The following CRISP1 variants were observed in gnomAD, a reference collection of about 807,000 sequenced individuals.
CRISP1 encodes the protein cysteine-rich secretory protein 1.
CRISP1 carries 44 observed loss-of-function variants against 33.1 expected under a neutral mutation model. That is an observed-to-expected ratio of 1.33 (90% CI 1.05 to 1.71). The LOEUF is 1.71. CRISP1 is among the 40% of genes most tolerant of loss of function. The pLI, the probability that CRISP1 is intolerant of heterozygous loss-of-function variation, is 0.00. For synonymous variants in CRISP1, 103 were observed against 98.7 expected (o/e 1.04, Z -0.26); for missense variants, 390 against 301.2 (o/e 1.29, Z -2.18).
At chr6:49,855,527 C>T (rs1771470847) in intron 2 of CRISP1, among the ~76,000 whole-genome samples, 1 of 151,792 alleles carries the variant, frequency 6.6e-6, no homozygotes, top group Admixed American at 6.6e-5. Flanking sequence ...GATAGTACAC[C>T]TTGTTAACTT....
intron 6 of CRISP1, among the ~76,000 whole-genome samples, chr6:49,839,013 T>C (rs1052686026): frequency 2.0e-5 from 3 of 152,156 alleles, no homozygotes; most frequent in Non-Finnish European, 2.9e-5. Flanking sequence ...TTTTACATGT[T>C]AATGTCTTTT....
At chr6:49,852,806 A>G (rs867511678) in intron 2 of CRISP1, among the ~76,000 whole-genome samples, 4 of 151,864 alleles carry the variant, frequency 2.6e-5, no homozygotes, top group Admixed American at 2.6e-4. Flanking sequence ...ATACATGACC[A>G]AAGTATTTAG....
chr6:49,865,986 C>G (rs1430608708), intron 1 of CRISP1, among the ~76,000 whole-genome samples: 1 of 152,116 alleles, frequency 6.6e-6, no homozygotes, highest in Non-Finnish European at 1.5e-5. Flanking sequence ...AAATGTCTAG[C>G]AACTCCCGAA....
At chr6:49,853,747 T>C (rs1771418037) in intron 2 of CRISP1, among the ~76,000 whole-genome samples, 1 of 152,174 alleles carries the variant, frequency 6.6e-6, no homozygotes, top group Admixed American at 6.5e-5. Context: ...CTGTGTTCTC[T>C]ACTTTCACAA....
chr6:49,867,294 A>C (rs1441366004), upstream of CRISP1, among the ~76,000 whole-genome samples: 1 of 152,050 alleles, frequency 6.6e-6, no homozygotes, highest in Non-Finnish European at 1.5e-5. Flanking sequence ...GATGTTTTTG[A>C]ATTGTCTTAT....
chr6:49,861,214 G>A (rs905350769), intron 1 of CRISP1, among the ~76,000 whole-genome samples: 1 of 152,050 alleles, frequency 6.6e-6, no homozygotes, highest in African/African-American at 2.4e-5. Context: ...AAAAATTCAA[G>A]GAAAGTAAAG....
chr6:49,835,635 A>T (rs1770764117), intron 7 of CRISP1, among the ~76,000 whole-genome samples, 192 bp from the exon 8 acceptor site: 1 of 152,182 alleles, frequency 6.6e-6, no homozygotes, highest in African/African-American at 2.4e-5. Flanking sequence ...AAAAGGTAAA[A>T]TTTTTGTCTT....
intron 1 of CRISP1, among the ~76,000 whole-genome samples, chr6:49,863,650 TGAGAG>T (rs1181326986): frequency 6.6e-6 from 1 of 152,212 alleles, no homozygotes; most frequent in Non-Finnish European, 1.5e-5. Flanking sequence ...TAATATTTTG[TGAGAG>T]GAAAGATCAA....
chr6:49,845,318 G>A (rs1771127509), intron 5 of CRISP1, among the ~76,000 whole-genome samples: 1 of 152,142 alleles, frequency 6.6e-6, no homozygotes, highest in African/African-American at 2.4e-5. Flanking sequence ...GAGAAGCCAT[G>A]TTAGGACATT....
At chr6:49,870,646 C>A (rs1056128868), upstream of CRISP1, among the ~76,000 whole-genome samples, 3 of 152,106 alleles carry the variant, frequency 2.0e-5, no homozygotes, top group Non-Finnish European at 4.4e-5. Flanking sequence ...TAATTTCTAA[C>A]CTTCAGTTTC....
chr6:49,841,847 A>G (rs1771001024), intron 5 of CRISP1, among the ~76,000 whole-genome samples: 1 of 152,176 alleles, frequency 6.6e-6, no homozygotes. Flanking sequence ...TCAGCTGTAA[A>G]ATGGGATACA....
chr6:49,859,048 C>A (rs1324097761), intron 1 of CRISP1, among the ~76,000 whole-genome samples: 1 of 151,986 alleles, frequency 6.6e-6, no homozygotes, highest in Non-Finnish European at 1.5e-5. Flanking sequence ...AGTGAGTGAC[C>A]CCCACTGATG....
chr6:49,837,825 G>T (rs1770850751), intron 7 of CRISP1, among the ~76,000 whole-genome samples: 1 of 151,524 alleles, frequency 6.6e-6, no homozygotes, highest in Non-Finnish European at 1.5e-5. Flanking sequence ...AGTGAAATTT[G>T]GCTATCTAAG....
intron 3 of CRISP1, among the ~76,000 whole-genome samples, chr6:49,851,689 A>G (rs1307747302): frequency 6.6e-6 from 1 of 152,158 alleles, no homozygotes; most frequent in Non-Finnish European, 1.5e-5. Context: ...GAATCAGGAT[A>G]TCAGAGAGTG....
rs1264217929 is a variant in CRISP1, at chr6:49,864,886, CA to C, written c.-3+1542del. Among the ~76,000 whole-genome samples, 3 of 152,048 alleles carry C rather than the reference CA, an allele frequency of 2.0e-5. No individual in the cohort carries two copies. The East Asian group carries it at 5.8e-4, about 29-fold the overall frequency. ...TATCTTAGTTGTAGCTTTTGTTAAA[CA>C]AAAGTTTCTAATTCAAATAAATCTA... On this transcript the variant is annotated intron_variant, in intron 1 of 7. Transcript: ENST00000335847.
Position 49,846,555 on chromosome 6 carries a change from T to C in CRISP1, c.400A>G (p.Thr134Ala). ...TGGTCAGTAGTTATGTCATCATCCGTTGTTGTCCATTCTCCATGTTTGAAA... is the reference window on the plus strand; with the variant it reads ...TGGTCAGTAGTTATGTCATCATCCGCTGTTGTCCATTCTCCATGTTTGAAA... ...TSFKHGEWTT[T>A]DDDITTDHYT... Residue 134 changes from threonine to alanine, a missense_variant, in exon 5 of 8, where the codon ACG becomes GCG. Thr to Ala is a moderately conservative substitution (Grantham distance 58, BLOSUM62 0). Transcript: ENST00000335847. The C allele has an allele frequency of 3.1e-6, 5 of 1,613,580 alleles. No individual in the cohort carries two copies. Among genetic ancestry groups the C allele is most frequent in the Non-Finnish European group, 4.2e-6 (5 of 1,179,692 alleles).
intron 5 of CRISP1, among the ~76,000 whole-genome samples, chr6:49,843,601 G>A (rs781631303): frequency 6.6e-6 from 1 of 152,186 alleles, no homozygotes; most frequent in Non-Finnish European, 1.5e-5. Context: ...TGTGGTTTAA[G>A]TCATTCAGGA....
chr6:49,858,875 C>A (rs1409705920), intron 1 of CRISP1, among the ~76,000 whole-genome samples: 2 of 151,006 alleles, frequency 1.3e-5, no homozygotes, highest in Admixed American at 6.6e-5. Context: ...CAAAGAAGAA[C>A]CAAAATAAGG....
intron 6 of CRISP1, among the ~76,000 whole-genome samples, chr6:49,838,996 A>C (rs1391293277): frequency 6.6e-6 from 1 of 152,202 alleles, no homozygotes; most frequent in African/African-American, 2.4e-5. Flanking sequence ...CTATGTTATA[A>C]GAAACTTTTT....
Sources: allele counts gnomAD v4.1 joint callset (sites outside exome capture counted in the v4.1 genomes callset), GRCh38; gene constraint gnomAD v4.1.1; transcripts MANE v1.5; gene names NCBI Gene and HGNC (gene_info 2026-07-23, HGNC 2026-07-21).